PPP6R2: variants seen among roughly 807,000 people sequenced by gnomAD.
PPP6R2 encodes serine/threonine-protein phosphatase 6 regulatory subunit 2.
In PPP6R2, 62 loss-of-function variants were observed where a neutral mutation model predicts 100.2. That is an observed-to-expected ratio of 0.62 (90% CI 0.50 to 0.76). The LOEUF (loss-of-function observed/expected upper bound fraction) is 0.76. Among genes scored for constraint, PPP6R2 ranks in the 30% least tolerant of loss-of-function variants. PPP6R2 has a pLI of 0.00. For synonymous variants in PPP6R2, 525 were observed against 514.7 expected, an observed-to-expected ratio of 1.02 and a Z score of -0.27; for missense variants, 1,142 against 1,276.3, an observed-to-expected ratio of 0.89 and a Z score of 1.60.
chr22:50,356,973 T>C (rs1412658280), intron 1 of PPP6R2, among the ~76,000 whole-genome samples: 1 of 151,980 alleles, frequency 6.6e-6, no homozygotes, highest in African/African-American at 2.4e-5. Context: ...CTTCCAGTTT[T>C]CCAAACTGGA....
chr22:50,418,116 A>G (rs1246223576), intron 6 of PPP6R2, among the ~76,000 whole-genome samples: 2 of 152,200 alleles, frequency 1.3e-5, no homozygotes, highest in African/African-American at 4.8e-5. Context: ...TTATTACCAC[A>G]TTTAAAATAT....
At chr22:50,348,442 G>T (rs910926201) in intron 1 of PPP6R2, among the ~76,000 whole-genome samples, 17 of 152,134 alleles carry the variant, frequency 1.1e-4, no homozygotes, top group Admixed American at 9.8e-4. Flanking sequence ...AGAATGAATG[G>T]ACTCAGGGTA....
upstream of PPP6R2, chr22:50,343,221 CG>C (rs2042610402): frequency 6.6e-6 from 1 of 151,172 alleles, no homozygotes; most frequent in Admixed American, 6.6e-5. Context: ...CCCGGAGAGC[CG>C]GCCCAGGTCC....
chr22:50,438,709 C>T lies in PPP6R2; in HGVS notation c.2075C>T (p.Ala692Val). Reference protein sequence around the residue: ...EAHRDAPGAGAPPAPGKKEAP... With the variant: ...EAHRDAPGAGVPPAPGKKEAP... The stretch of plus-strand genomic sequence containing the variant: ...CACAGAGATGCACCTGGGGCAGGTG[C>T]CCCACCGGCCCCCGGGAAGAAGGAA... The change falls in exon 19 of 24, where the codon GCC (alanine) becomes GTC (valine). Residue 692 changes from alanine (A) to valine (V), a missense_variant. Around this residue, in one of 2 missense-constraint regions of PPP6R2, gnomAD observed 550 missense variants for 517.4 expected, o/e 1.06. Coordinates refer to ENST00000612753, the MANE Select transcript of PPP6R2 (RefSeq NM_001242898.2). 1 of 1,613,016 alleles carries T rather than the reference C, an allele frequency of 6.2e-7. No individual in the cohort carries two copies. The highest frequency in any genetic ancestry group is 1.3e-5 in the African/African-American group (1 of 75,026).
chr22:50,361,110 T>C (rs536325069), intron 1 of PPP6R2, among the ~76,000 whole-genome samples: 27 of 152,322 alleles, frequency 1.8e-4, no homozygotes, highest in Middle Eastern at 3.4e-3. Flanking sequence ...TCTGACCCTT[T>C]CTCAGCTCTT....
chr22:50,441,244 T>C (rs1229987804), intron 22 of PPP6R2, among the ~76,000 whole-genome samples: 2 of 152,144 alleles, frequency 1.3e-5, no homozygotes, highest in Admixed American at 6.5e-5. Flanking sequence ...TGTGGGGCCT[T>C]CTTTCGTGGA....
In PPP6R2 at chr22:50,358,851, AAATT is replaced by A. The variant is rs148866283; in HGVS notation, c.-147-13162_-147-13159del. Reference sequence around the variant, plus strand: ...TCAATTCCATTGGAACCTTTGTTATAAATTAATTAAACATGTCTGCAGGCTTATT... The same window carrying A: ...TCAATTCCATTGGAACCTTTGTTATAAATTAAACATGTCTGCAGGCTTATT... On this transcript the variant is annotated intron_variant, in intron 1 of 23. Coordinates refer to ENST00000612753, the MANE Select transcript of PPP6R2 (RefSeq NM_001242898.2). 7.9e-3 allele frequency among the ~76,000 whole-genome samples: 1,199 copies of A among 152,266 alleles called. 15 individuals carry two copies. The highest frequency in any genetic ancestry group is 0.027 in the African/African-American group (1,136 of 41,568).
chr22:50,365,648 C>T (rs966647398), intron 1 of PPP6R2, among the ~76,000 whole-genome samples: 32 of 149,026 alleles, frequency 2.1e-4, no homozygotes, highest in African/African-American at 7.9e-4. Flanking sequence ...CACTGCATTC[C>T]AGCCTGTGCG....
At chr22:50,438,000 G>A in intron 17 of PPP6R2, 100 bp downstream of exon 17, 1 of 1,516,406 alleles carries the variant, frequency 6.6e-7, no homozygotes, top group Non-Finnish European at 9.0e-7. Flanking sequence ...GGTGGGGCTG[G>A]GAGAGGCCCC....
rs1450605127 is a variant in PPP6R2, at chr22:50,443,964, T to TGGC, written c.2679_2681dup (p.Ala894dup). The TGGC allele has an allele frequency of 6.2e-7, 1 of 1,612,016 alleles. No homozygotes were observed. Among genetic ancestry groups the TGGC allele is most frequent in the Non-Finnish European group, 8.5e-7 (1 of 1,179,574 alleles). On this transcript the variant is annotated inframe_insertion, in exon 23 of 24. Coordinates refer to ENST00000612753, the MANE Select transcript of PPP6R2 (RefSeq NM_001242898.2). ...GTGGCTGTGCCCCCCGAGGCTACTG[T>TGGC]GGCCATCACCACAGCACTGAGCAAG...
chr22:50,374,806 C>T (rs1602584145), intron 2 of PPP6R2, among the ~76,000 whole-genome samples: 1 of 149,250 alleles, frequency 6.7e-6, no homozygotes, highest in South Asian at 2.1e-4. Context: ...CCCAGCTACT[C>T]AGGAGGCTGA....
chr22:50,339,777 G>A (rs544060804), upstream of PPP6R2, among the ~76,000 whole-genome samples: 2,916 of 123,684 alleles, frequency 0.024, 188 homozygotes, highest in African/African-American at 0.1. Context: ...TGTGGTATGT[G>A]GTGTGTGTGT....
At chr22:50,411,479 G>A (rs753679656) in intron 4 of PPP6R2, among the ~76,000 whole-genome samples, 12 of 151,798 alleles carry the variant, frequency 7.9e-5, no homozygotes, top group Non-Finnish European at 1.5e-4. Context: ...AAGGCCAGGC[G>A]TGCTGGCTCA....
chr22:50,438,659 G>A lies in PPP6R2; in HGVS notation c.2025G>A (p.Gln675=). The A allele has an allele frequency of 6.2e-7, 1 of 1,614,078 alleles. No homozygotes were observed. Among genetic ancestry groups the A allele is most frequent in the East Asian group, 2.2e-5 (1 of 44,880 alleles). Reference sequence around the variant, plus strand: ...AGAATGGCCCAGAGCGTGGAGGCCAGGATGGGAAGGCGAGCTTGGAAGCAC... The same window carrying A: ...AGAATGGCCCAGAGCGTGGAGGCCAAGATGGGAAGGCGAGCTTGGAAGCAC... ...CSKNGPERGG[Q]DGKASLEAHR... The change falls in exon 19 of 24, where the codon CAG becomes CAA. Residue 675 remains glutamine (Q), a synonymous_variant. Transcript: ENST00000612753.
chr22:50,359,023 C>T (rs1373650329), intron 1 of PPP6R2, among the ~76,000 whole-genome samples: 17 of 110,032 alleles, frequency 1.5e-4, no homozygotes, highest in African/African-American at 4.5e-4. Context: ...TTTTTTGAGA[C>T]GGAGTCTCAC....
chr22:50,436,243 G>T lies in PPP6R2; in HGVS notation c.1517-124G>T. ...AAGCCCCTGCTTCAGGCCCTCAGAC[G>T]GGCTGACCACAGTAGCAGCGCCCCA... On this transcript the variant is annotated intron_variant, in intron 13 of 23. Transcript: ENST00000612753. 8 of 798,834 alleles carry T rather than the reference G, an allele frequency of 1.0e-5. No individual in the cohort carries two copies. In the South Asian group the frequency reaches 1.3e-4, roughly 13 times the overall value. The allele number at this position is 798,834 out of a possible 1,614,324, so 49.5% of individuals were successfully genotyped here. A position where few individuals can be genotyped will look rare whatever the true frequency, so the allele number is the denominator to read the frequency against.
At chr22:50,406,444 G>A (rs2147150893) in intron 3 of PPP6R2, among the ~76,000 whole-genome samples, 2 of 152,316 alleles carry the variant, frequency 1.3e-5, no homozygotes, top group Admixed American at 1.3e-4. Context: ...TGGGAGTAGG[G>A]TCAGAAAATG....
At chr22:50,361,523 T>G (rs893218950) in intron 1 of PPP6R2, among the ~76,000 whole-genome samples, 5 of 152,250 alleles carry the variant, frequency 3.3e-5, no homozygotes, top group African/African-American at 1.2e-4. Context: ...TCTGTGCGTC[T>G]TGTTTGGACT....
intron 12 of PPP6R2, 93 bp from the exon 13 acceptor site, chr22:50,434,873 G>C: frequency 8.9e-7 from 1 of 1,128,486 alleles, no homozygotes; most frequent in Non-Finnish European, 1.3e-6. Context: ...TCTCCGAAGT[G>C]AACCTGGAGG....
Sources: gnomAD v4.1 joint callset for allele counts (sites outside exome capture counted in the v4.1 genomes callset) on GRCh38, gnomAD v4.1.1 for gene constraint, gnomAD v4.1.1 regional missense constraint, MANE v1.5 for transcripts, NCBI Gene and HGNC (gene_info 2026-07-23, HGNC 2026-07-21) for gene names.